Variants in SNRPN observed in about 807,000 individuals in gnomAD.
The protein encoded by SNRPN is small nuclear ribonucleoprotein-associated protein N.
Under a neutral mutation model 25.2 loss-of-function variants are expected in SNRPN, and 7 were observed. That is an observed-to-expected ratio of 0.28 (90% CI 0.16 to 0.52). The LOEUF is 0.52. SNRPN is among the 20% of genes least tolerant of loss of function. SNRPN has a pLI of 0.96. For missense variants in SNRPN, 196 were observed against 322.5 expected, an observed-to-expected ratio of 0.61 and a Z score of 3.00; for synonymous variants, 124 against 110.6, an observed-to-expected ratio of 1.12 and a Z score of -0.76.
chr15:24,922,038 A>G (rs2060053566), intron 3 of SNRPN, among the ~76,000 whole-genome samples: 1 of 23,924 alleles, frequency 4.2e-5, no homozygotes, highest in South Asian at 1.3e-3. Flanking sequence ...CGTCTCTACT[A>G]AAAAAAAAAA....
At chr15:24,884,148 C>CAAAAAAA (rs61039873) in intron 1 of SNRPN, among the ~76,000 whole-genome samples, 1 of 104,852 alleles carries the variant, frequency 9.5e-6, no homozygotes, top group African/African-American at 3.9e-5. Flanking sequence ...CCTGCCTCTA[C>CAAAAAAA]AAAAAAAAAA....
chr15:24,953,480 C>T (rs1478531583), upstream of SNRPN, among the ~76,000 whole-genome samples: 3 of 152,098 alleles, frequency 2.0e-5, no homozygotes, highest in Non-Finnish European at 4.4e-5. Flanking sequence ...TGTGCCATCA[C>T]GCCCAGCTAA....
At chr15:24,906,691 C>T (rs1566895602) in intron 2 of SNRPN, among the ~76,000 whole-genome samples, 1 of 152,110 alleles carries the variant, frequency 6.6e-6, no homozygotes, top group African/African-American at 2.4e-5. Flanking sequence ...ATCTCAATTT[C>T]TGAGGTGCCA....
At chr15:24,854,897 G>A (rs1186338506), upstream of SNRPN, among the ~76,000 whole-genome samples, 6 of 151,986 alleles carry the variant, frequency 3.9e-5, no homozygotes, top group African/African-American at 2.4e-5. Flanking sequence ...CACCATACTC[G>A]GGAGGCTGAG....
intron 2 of SNRPN, among the ~76,000 whole-genome samples, chr15:24,894,506 A>C (rs71461569): frequency 6.6e-6 from 1 of 152,246 alleles, no homozygotes; most frequent in Non-Finnish European, 1.5e-5. Context: ...GGCGTGAGCC[A>C]CCGTGCCCAG....
intron 1 of SNRPN, among the ~76,000 whole-genome samples, chr15:24,857,251 G>A (rs2053489380): frequency 6.6e-6 from 1 of 152,186 alleles, no homozygotes; most frequent in Non-Finnish European, 1.5e-5. Flanking sequence ...ATGTCGTCAT[G>A]TTGTTTGCTT....
At chr15:24,923,876 C>CGTGTGTGT (rs1488829289) in intron 3 of SNRPN, among the ~76,000 whole-genome samples, 1,163 of 107,008 alleles carry the variant, frequency 0.011, 40 homozygotes, top group African/African-American at 0.041. Flanking sequence ...TTTTTAGTGC[C>CGTGTGTGT]GTGTATGTGT....
chr15:24,841,126 C>A (rs75734806), intron 2 of SNRPN, among the ~76,000 whole-genome samples: 20,308 of 152,074 alleles, frequency 0.13, 1,497 homozygotes, highest in African/African-American at 0.19. Flanking sequence ...GGCATGAGCC[C>A]CCACGGCCAG....
At chr15:24,918,472 A>ATATATAACATAATATATATGTGTG (rs2059706957) in intron 2 of SNRPN, among the ~76,000 whole-genome samples, 1 of 93,524 alleles carries the variant, frequency 1.1e-5, no homozygotes, top group Non-Finnish European at 2.2e-5. Flanking sequence ...ATATATGTGT[A>ATATATAACATAATATATATGTGTG]TATATATAAC....
chr15:24,891,164 G>A (rs113823571), intron 2 of SNRPN, among the ~76,000 whole-genome samples: 22 of 151,650 alleles, frequency 1.5e-4, no homozygotes, highest in African/African-American at 4.8e-4. Flanking sequence ...GCCCGCCTTC[G>A]CCTCCTTAAA....
chr15:24,943,179 A>G (rs979399000), intron 3 of SNRPN, among the ~76,000 whole-genome samples: 18 of 152,124 alleles, frequency 1.2e-4, no homozygotes, highest in African/African-American at 3.4e-4. Flanking sequence ...TTGGTATATA[A>G]TTGTATATCT....
intron 1 of SNRPN, among the ~76,000 whole-genome samples, chr15:24,859,805 T>C (rs146394939): frequency 1.1e-3 from 161 of 152,322 alleles, no homozygotes; most frequent in African/African-American, 3.8e-3. Context: ...GGATTATCCA[T>C]GCCTCCCCTT....
intron 2 of SNRPN, among the ~76,000 whole-genome samples, chr15:24,889,766 C>A (rs945930880): frequency 1.3e-5 from 2 of 150,620 alleles, no homozygotes; most frequent in Admixed American, 6.6e-5. Flanking sequence ...TAGGATACCC[C>A]TGGCTGGGTG....
At chr15:24,838,942 C>T (rs2051448552) in intron 2 of SNRPN, among the ~76,000 whole-genome samples, 1 of 151,870 alleles carries the variant, frequency 6.6e-6, no homozygotes, top group Non-Finnish European at 1.5e-5. Flanking sequence ...TTTATGGTGG[C>T]CTGAACCACA....
upstream of SNRPN, among the ~76,000 whole-genome samples, chr15:24,950,938 G>A (rs773676755): frequency 1.3e-5 from 2 of 150,554 alleles, no homozygotes; most frequent in East Asian, 3.9e-4. Context: ...CTCCCTCACC[G>A]CGACCTCTGC....
In SNRPN at chr15:24,955,066, A is replaced by G; in HGVS notation, c.-391+4A>G. The stretch of plus-strand genomic sequence containing the variant: ...GTGACGCGATGGAGCGGGCAAGGTC[A>G]GCTGTGCCGGTGGCTTCTCTCAAGA... On this transcript the variant is annotated splice_donor_region_variant and intron_variant, in intron 1 of 9. Transcript: ENST00000390687. 6.2e-7 allele frequency: 1 copy of G among 1,613,558 alleles called. No homozygotes were observed. Among genetic ancestry groups the G allele is most frequent in the Non-Finnish European group, 8.5e-7 (1 of 1,180,026 alleles).
At chr15:24,897,537 A>G (rs1427624917) in intron 2 of SNRPN, among the ~76,000 whole-genome samples, 1 of 152,190 alleles carries the variant, frequency 6.6e-6, no homozygotes, top group African/African-American at 2.4e-5. Flanking sequence ...GTGAGCTATG[A>G]TCACACCACT....
At chr15:24,829,768 G>T (rs1203481230) in intron 1 of SNRPN, 4 of 152,206 alleles carry the variant, frequency 2.6e-5, no homozygotes, top group Non-Finnish European at 4.4e-5. Context: ...AAGGGGCAAA[G>T]AACTTTCTTT....
At chr15:24,896,805 ATGAATTCTATAGCCAT>A (rs2058108182) in intron 2 of SNRPN, among the ~76,000 whole-genome samples, 1 of 152,216 alleles carries the variant, frequency 6.6e-6, no homozygotes, top group Non-Finnish European at 1.5e-5. Flanking sequence ...GCAAGCTGCC[ATGAATTCTATAGCCAT>A]TGTAAAATGA....
Sources: allele counts gnomAD v4.1 joint callset (sites outside exome capture counted in the v4.1 genomes callset), GRCh38; gene constraint gnomAD v4.1.1; transcripts MANE v1.5; gene names NCBI Gene and HGNC (gene_info 2026-07-23, HGNC 2026-07-21).